Variants in C1QTNF3 observed in about 807,000 individuals in gnomAD.
C1QTNF3 encodes C1q and TNF related 3, also known as complement C1q tumor necrosis factor-related protein 3.
C1QTNF3 carries 26 observed loss-of-function variants against 32.6 expected under a neutral mutation model. The observed-to-expected ratio is 0.80, with a 90% confidence interval of 0.58 to 1.11. C1QTNF3 has a LOEUF of 1.11. Among genes scored for constraint, C1QTNF3 ranks in the 50% least tolerant of loss-of-function variants. The probability of loss-of-function intolerance (pLI) is 0.00; values close to 1 mark genes in which losing one functional copy is unlikely to be tolerated. For synonymous variants in C1QTNF3, 155 were observed against 146.0 expected, an observed-to-expected ratio of 1.06 and a Z score of -0.44; for missense variants, 362 against 398.2, an observed-to-expected ratio of 0.91 and a Z score of 0.77.
the C1QTNF3 span, among the ~76,000 whole-genome samples, chr5:34,174,709 C>T: frequency 6.6e-5 from 10 of 152,184 alleles, no homozygotes; most frequent in Non-Finnish European, 1.3e-4. Flanking sequence ...GCCTCTCATC[C>T]ACCCTACGTG....
chr5:34,042,097 T>C (rs1377517352), intron 1 of C1QTNF3, among the ~76,000 whole-genome samples: 1 of 151,556 alleles, frequency 6.6e-6, no homozygotes, highest in Non-Finnish European at 1.5e-5. Context: ...CAATTCACTA[T>C]ACTGAAATCT....
At chr5:34,175,982 G>C in the C1QTNF3 span, 61 of 780,182 alleles carry the variant, frequency 7.8e-5, no homozygotes, top group Non-Finnish European at 1.3e-4. Flanking sequence ...AAAGAGAAGA[G>C]TAAGAACTGG....
the C1QTNF3 span, among the ~76,000 whole-genome samples, chr5:34,208,764 T>C: frequency 1.3e-5 from 2 of 152,242 alleles, no homozygotes. Flanking sequence ...ACAGTCACTA[T>C]ATTAACTATT....
chr5:34,208,328 A>G, the C1QTNF3 span, among the ~76,000 whole-genome samples: 4,318 of 89,194 alleles, frequency 0.048, no homozygotes, highest in East Asian at 0.073. Context: ...TTAAAACTCA[A>G]TATCTAGGTC....
the C1QTNF3 span, among the ~76,000 whole-genome samples, chr5:34,077,015 T>C: frequency 2.0e-5 from 3 of 151,832 alleles, no homozygotes; most frequent in African/African-American, 4.9e-5. Flanking sequence ...CAATGTCTTA[T>C]TTTAACAAGC....
At chr5:34,216,946 AT>A in the C1QTNF3 span, among the ~76,000 whole-genome samples, 1 of 152,174 alleles carries the variant, frequency 6.6e-6, no homozygotes, top group South Asian at 2.1e-4. Context: ...ACGGTGTGTC[AT>A]TTGTGAAATA....
the C1QTNF3 span, among the ~76,000 whole-genome samples, chr5:34,178,377 G>C: frequency 3.9e-5 from 6 of 152,198 alleles, no homozygotes; most frequent in Admixed American, 3.9e-4. Flanking sequence ...GTTTGCAGAA[G>C]TGTCATTCTG....
At chr5:34,106,802 ATTAAAG>A in the C1QTNF3 span, among the ~76,000 whole-genome samples, 1 of 38,032 alleles carries the variant, frequency 2.6e-5, no homozygotes, top group East Asian at 4.1e-4. Flanking sequence ...TTACAGATAA[ATTAAAG>A]TTAAAGATAG....
rs1302592759 is a variant in C1QTNF3 at position 34,020,724 on chromosome 5, T to C, written c.819A>G (p.Lys273=). The part of the protein sequence containing the change: ...FSMYSYEMKG[K]SDTSSNHAVL... Reference sequence around the variant, plus strand: ...CAGCATGATTGCTGGATGTATCTGATTTGCCCTTCATTTCATAGCTGGAAA... The same window carrying C: ...CAGCATGATTGCTGGATGTATCTGACTTGCCCTTCATTTCATAGCTGGAAA... Residue 273 remains lysine, a synonymous_variant, in exon 6 of 6, where the codon AAA becomes AAG. Coordinates refer to ENST00000382065, the MANE Select transcript of C1QTNF3 (RefSeq NM_181435.6). The C allele has an allele frequency of 1.2e-6, 2 of 1,613,094 alleles. No homozygotes were observed. Among genetic ancestry groups the C allele is most frequent in the Non-Finnish European group, 1.7e-6 (2 of 1,179,430 alleles).
At chr5:34,213,015 C>T in the C1QTNF3 span, among the ~76,000 whole-genome samples, 4 of 152,070 alleles carry the variant, frequency 2.6e-5, no homozygotes, top group Non-Finnish European at 5.9e-5. Flanking sequence ...AAATCAATAC[C>T]CACTCTTCCC....
the C1QTNF3 span, among the ~76,000 whole-genome samples, chr5:34,058,427 C>T: frequency 2.0e-5 from 3 of 152,116 alleles, no homozygotes; most frequent in Middle Eastern, 3.2e-3. Context: ...ACTTTTCTGT[C>T]GTATTTCCGG....
chr5:34,177,448 C>T, the C1QTNF3 span, among the ~76,000 whole-genome samples: 1 of 148,124 alleles, frequency 6.8e-6, no homozygotes, highest in African/African-American at 2.5e-5. Flanking sequence ...TCCCAAGTAG[C>T]TGGGACTAGA....
At chr5:34,160,592 C>G in the C1QTNF3 span, among the ~76,000 whole-genome samples, 10 of 152,242 alleles carry the variant, frequency 6.6e-5, no homozygotes, top group Admixed American at 2.0e-4. Flanking sequence ...TTCCGTTACT[C>G]TAGAGTCAGA....
At chr5:34,175,254 A>G in the C1QTNF3 span, among the ~76,000 whole-genome samples, 10 of 151,480 alleles carry the variant, frequency 6.6e-5, no homozygotes, top group Non-Finnish European at 1.3e-4. Context: ...TATGCTGAAC[A>G]GGCTGGTCTC....
chr5:34,171,784 TA>T, the C1QTNF3 span, among the ~76,000 whole-genome samples: 4 of 152,174 alleles, frequency 2.6e-5, no homozygotes, highest in Admixed American at 2.6e-4. Context: ...TGAGAAAAAC[TA>T]AAGTATTTGT....
the C1QTNF3 span, among the ~76,000 whole-genome samples, chr5:34,195,160 T>TA: frequency 6.6e-6 from 1 of 151,900 alleles, no homozygotes. Flanking sequence ...CCTGATTTGA[T>TA]CATTACACAT....
chr5:34,172,478 C>T, the C1QTNF3 span, among the ~76,000 whole-genome samples: 12 of 151,994 alleles, frequency 7.9e-5, no homozygotes. Context: ...TTTCTTTATT[C>T]TGAAGTTCTC....
chr5:34,131,497 A>G, the C1QTNF3 span, among the ~76,000 whole-genome samples: 1 of 152,082 alleles, frequency 6.6e-6, no homozygotes, highest in South Asian at 2.1e-4. Context: ...AATCAAGAGG[A>G]CATTATGTTA....
intron 1 of C1QTNF3, 62 bp downstream of exon 1, chr5:34,042,756 CAACAA>C: frequency 6.8e-7 from 1 of 1,461,374 alleles, no homozygotes; most frequent in Non-Finnish European, 9.2e-7. Context: ...AAAAGAACAA[CAACAA>C]AACAACAACA....
Sources: allele counts gnomAD v4.1 joint callset (sites outside exome capture counted in the v4.1 genomes callset), GRCh38; gene constraint gnomAD v4.1.1; transcripts MANE v1.5; gene names NCBI Gene and HGNC (gene_info 2026-07-23, HGNC 2026-07-21).